CCDC171: variants seen among roughly 807,000 people sequenced by gnomAD.
CCDC171 encodes the protein coiled-coil domain containing 171.
A neutral mutation model predicts 168.2 loss-of-function variants in CCDC171; 177 were observed. The observed-to-expected ratio is 1.05, with a 90% CI of 0.93 to 1.19. The LOEUF is 1.19. CCDC171 is among the 50% of genes most tolerant of loss of function. The pLI, the probability that CCDC171 is intolerant of heterozygous loss-of-function variation, is 0.00. For synonymous variants in CCDC171, 687 were observed against 540.8 expected, an observed-to-expected ratio of 1.27 and a Z score of -3.75; for missense variants, 1,991 against 1,539.0, an observed-to-expected ratio of 1.29 and a Z score of -4.91.
chr9:15,853,967 T>C (rs1457086296), intron 23 of CCDC171, among the ~76,000 whole-genome samples: 5 of 151,448 alleles, frequency 3.3e-5, no homozygotes. Context: ...TTATGGTGTA[T>C]GATCTTTTGA....
In CCDC171 at chr9:15,778,643, C is replaced by CAAAAAAAAAAAA. The variant is rs527592822; in HGVS notation, c.2899-314_2899-303dup. On this transcript the variant is annotated intron_variant, in intron 19 of 25. Transcript: ENST00000380701. ...CCTGGCCTACAGAGTAAGACTGTCT[C>CAAAAAAAAAAAA]AAAAAAAAAAAAAAAAAAAAAAGGC... Among the ~76,000 whole-genome samples, 10 of 58,794 alleles carry CAAAAAAAAAAAA rather than the reference C, an allele frequency of 1.7e-4. 1 individual carries two copies. Among genetic ancestry groups the CAAAAAAAAAAAA allele is most frequent in the East Asian group, 7.2e-4 (1 of 1,386 alleles). The allele number at this position is 58,794 out of a possible 152,430, so 38.6% of individuals were successfully genotyped here.
chr9:15,672,436 T>C (rs2049187431), intron 9 of CCDC171, among the ~76,000 whole-genome samples: 1 of 152,224 alleles, frequency 6.6e-6, no homozygotes, highest in African/African-American at 2.4e-5. Flanking sequence ...CATGCCTATG[T>C]CCTGAATGGT....
chr9:15,822,909 A>C (rs2059851720), intron 21 of CCDC171, among the ~76,000 whole-genome samples: 1 of 152,196 alleles, frequency 6.6e-6, no homozygotes, highest in Non-Finnish European at 1.5e-5. Flanking sequence ...GGCACTATTC[A>C]CAATAGCAAA....
rs1459923750 is a variant in CCDC171 at position 15,813,614 on chromosome 9, G to GTGTGTGTC, written c.3267+28927_3267+28928insCTGTGTGT. Among the ~76,000 whole-genome samples, 34 of 151,868 alleles carry GTGTGTGTC rather than the reference G, an allele frequency of 2.2e-4. No individual in the cohort carries two copies. In the East Asian group the frequency reaches 5.8e-3, roughly 26 times the overall value. On this transcript the variant is annotated intron_variant, in intron 21 of 25. Transcript: ENST00000380701. ...CATACTTTTACATGTATTTGTGTGT[G>GTGTGTGTC]TGTGTGTGTATATATATATATATTA...
intron 1 of CCDC171, among the ~76,000 whole-genome samples, chr9:16,047,772 A>G (rs969717839): frequency 4.6e-5 from 7 of 152,240 alleles, no homozygotes; most frequent in Admixed American, 3.3e-4. Context: ...GATCAACCAC[A>G]GTATTCACGT....
At chr9:15,583,171 C>A (rs1000878190) in intron 4 of CCDC171, among the ~76,000 whole-genome samples, 1 of 152,036 alleles carries the variant, frequency 6.6e-6, no homozygotes, top group Non-Finnish European at 1.5e-5. Context: ...AATCCCAGCA[C>A]TTTGGGAGGC....
At chr9:15,851,458 T>C (rs2061124511) in intron 23 of CCDC171, among the ~76,000 whole-genome samples, 1 of 151,798 alleles carries the variant, frequency 6.6e-6, no homozygotes, top group South Asian at 2.1e-4. Flanking sequence ...TTATTGGAGA[T>C]AAGAAAAATA....
At position 15,762,963 on chromosome 9, in the gene CCDC171, C is replaced by T. The variant is rs117359561; in HGVS notation, c.2672-14637C>T. Among the ~76,000 whole-genome samples the T allele has an allele frequency of 4.9e-4, 75 of 152,274 alleles. 1 individual carries two copies. The East Asian group carries it at 0.011, about 22-fold the overall frequency. On this transcript the variant is annotated intron_variant, in intron 18 of 25. Transcript: ENST00000380701. Reference sequence around the variant, plus strand: ...TCCCAAAGGCTGTCCTCACTTCTGACACCACAAATTCAGGGGTCCCCAGGG... The same window carrying T: ...TCCCAAAGGCTGTCCTCACTTCTGATACCACAAATTCAGGGGTCCCCAGGG...
rs1020240155 is a variant in CCDC171, at chr9:15,971,739, C to T, written c.3884C>T (p.Thr1295Ile). 6 of 1,613,744 alleles carry T rather than the reference C, an allele frequency of 3.7e-6. No homozygotes were observed. Among genetic ancestry groups the T allele is most frequent in the Non-Finnish European group, 5.1e-6 (6 of 1,179,832 alleles). ...LDTTYTFLKE[T>I]FINTVPHALT... ...ACTACTTACACTTTCTTAAAGGAGACATTTATAAATACTGTGCCCCATGCT... is the reference window on the plus strand; with the variant it reads ...ACTACTTACACTTTCTTAAAGGAGATATTTATAAATACTGTGCCCCATGCT... Residue 1295 changes from threonine to isoleucine, a missense_variant, in exon 26 of 26, where the codon ACA (threonine) becomes ATA (isoleucine). By Grantham distance (89) the Thr-to-Ile change is moderately conservative. Coordinates refer to ENST00000380701, the MANE Select transcript of CCDC171 (RefSeq NM_173550.4).
intron 3 of CCDC171, among the ~76,000 whole-genome samples, chr9:16,011,939 G>A (rs1832880214): frequency 6.6e-6 from 1 of 152,152 alleles, no homozygotes; most frequent in East Asian, 1.9e-4. Flanking sequence ...GGGACATCCT[G>A]GTGACTCAGA....
At chr9:16,006,095 C>G (rs536380042) in intron 3 of CCDC171, among the ~76,000 whole-genome samples, 1 of 152,172 alleles carries the variant, frequency 6.6e-6, no homozygotes, top group East Asian at 1.9e-4. Flanking sequence ...CTCCTGACCT[C>G]AGGTGATCTG....
intron 24 of CCDC171, among the ~76,000 whole-genome samples, chr9:15,914,466 C>G (rs1158709752): frequency 1.3e-5 from 2 of 152,164 alleles, no homozygotes; most frequent in East Asian, 1.9e-4. Flanking sequence ...ACCGCCTTCT[C>G]AAGCCTCAGT....
At chr9:15,881,766 G>T (rs188223637) in intron 24 of CCDC171, among the ~76,000 whole-genome samples, 2 of 152,258 alleles carry the variant, frequency 1.3e-5, no homozygotes, top group African/African-American at 4.8e-5. Context: ...ATGACCTGCA[G>T]TTCTATCTGT....
chr9:15,777,916 A>G, intron 19 of CCDC171, 90 bp downstream of exon 19: 2 of 804,658 alleles, frequency 2.5e-6, no homozygotes, highest in East Asian at 2.8e-5. Flanking sequence ...TATTAGTTGT[A>G]CATGAATGTA....
intron 3 of CCDC171, among the ~76,000 whole-genome samples, chr9:16,017,441 A>G (rs1216928722): frequency 6.6e-6 from 1 of 152,118 alleles, no homozygotes; most frequent in Non-Finnish European, 1.5e-5. Context: ...TCCAATTTTT[A>G]ATTATTATAA....
chr9:15,887,804 C>T (rs1363675572), intron 24 of CCDC171: 1 of 151,848 alleles, frequency 6.6e-6, no homozygotes, highest in African/African-American at 2.4e-5. Context: ...AAAGACTTGC[C>T]AATACTAGCC....
upstream of CCDC171, among the ~76,000 whole-genome samples, chr9:16,038,587 T>C (rs1167693192): frequency 6.6e-6 from 1 of 151,608 alleles, no homozygotes; most frequent in Non-Finnish European, 1.5e-5. Flanking sequence ...ACCAAATCAG[T>C]AGAACAGGAA....
At chr9:15,719,434 GA>G (rs1479738537) in intron 11 of CCDC171, among the ~76,000 whole-genome samples, 23 of 142,750 alleles carry the variant, frequency 1.6e-4, no homozygotes, top group South Asian at 2.4e-4. Flanking sequence ...GAGAGAGAGA[GA>G]GAGAGAGAGA....
chr9:15,630,988 A>C (rs1010705003), intron 7 of CCDC171, among the ~76,000 whole-genome samples: 2 of 152,200 alleles, frequency 1.3e-5, no homozygotes, highest in African/African-American at 4.8e-5. Flanking sequence ...ACAAAGACAC[A>C]ACATACCAGA....
Sources: gnomAD v4.1 joint callset for allele counts (sites outside exome capture counted in the v4.1 genomes callset) on GRCh38, gnomAD v4.1.1 for gene constraint, MANE v1.5 for transcripts, NCBI Gene and HGNC (gene_info 2026-07-23, HGNC 2026-07-21) for gene names.